Variants in ARHGAP44 observed in about 807,000 individuals in gnomAD.
ARHGAP44 encodes Rho GTPase activating protein 44.
A neutral mutation model predicts 106.8 loss-of-function variants in ARHGAP44; 43 were observed. The ratio of observed to expected loss-of-function variants is 0.40; its 90% CI spans 0.32 to 0.52. ARHGAP44 has a LOEUF of 0.52. Ranked by LOEUF, ARHGAP44 falls within the 20% of genes least tolerant of loss-of-function variation. The pLI is 0.48. For synonymous variants in ARHGAP44, 439 were observed against 410.3 expected, an observed-to-expected ratio of 1.07 and a Z score of -0.85; for missense variants, 866 against 1,050.5, an observed-to-expected ratio of 0.82 and a Z score of 2.43.
chr17:12,917,618 C>G (rs1024019733), intron 5 of ARHGAP44, among the ~76,000 whole-genome samples: 1 of 152,116 alleles, frequency 6.6e-6, no homozygotes, highest in Non-Finnish European at 1.5e-5. Flanking sequence ...GAAACACCCT[C>G]TCAGCTACAC....
Position 12,816,622 on chromosome 17 carries a change from T to C in ARHGAP44, c.53+26731T>C, listed in dbSNP as rs546254584. On this transcript the variant is annotated intron_variant, in intron 1 of 20. Transcript: ENST00000379672. ...GAAAGGTGGGGTGTATTTATTAATA[T>C]ATCAGATACAGTGGACTTCAAGGAA... Among the ~76,000 whole-genome samples, 4 of 152,324 alleles carry C rather than the reference T, an allele frequency of 2.6e-5. No homozygotes were observed. In the Middle Eastern group the frequency reaches 0.01, roughly 389 times the overall value.
At chr17:12,937,358 T>A (rs1357870522) in intron 7 of ARHGAP44, among the ~76,000 whole-genome samples, 4 of 152,212 alleles carry the variant, frequency 2.6e-5, no homozygotes, top group Non-Finnish European at 5.9e-5. Flanking sequence ...CTCTGAAATT[T>A]CCTGTGAGAA....
At position 12,990,043 on chromosome 17, in the gene ARHGAP44, T is replaced by G. The variant is rs2040083939; in HGVS notation, c.2329T>G (p.Phe777Val). 1 of 1,603,532 alleles carries G rather than the reference T, an allele frequency of 6.2e-7. No homozygotes were observed. The highest frequency in any genetic ancestry group is 1.3e-5 in the African/African-American group (1 of 74,738). ...GESMSTDLVH[F>V]DIPSIHIELG... is the part of the protein sequence containing the mutation. ...CTGCCGCCTTCCAGATCTTGTCCACTTTGATATTCCCTCGATCCACATAGA... is the reference window on the plus strand; with the variant it reads ...CTGCCGCCTTCCAGATCTTGTCCACGTTGATATTCCCTCGATCCACATAGA... Residue 777 changes from phenylalanine to valine, a missense_variant, in exon 21 of 21, where the codon TTT (phenylalanine) becomes GTT (valine). Around this residue, in one of 2 missense-constraint regions of ARHGAP44, gnomAD observed 418 missense variants for 403.6 expected, o/e 1.04. Transcript: ENST00000379672.
Position 12,984,811 on chromosome 17 carries a change from T to G in ARHGAP44, c.2220T>G (p.Pro740=), listed in dbSNP as rs776987295. 3.7e-6 allele frequency: 6 copies of G among 1,613,934 alleles called. No homozygotes were observed. Among genetic ancestry groups the G allele is most frequent in the South Asian group, 3.3e-5 (3 of 91,072 alleles). ...CGCGACAGAGACCTACTCTGCCGCC[T>G]CCTCAGCCTCCCACAGTAAACCTCT... ...PKPRQRPTLP[P]PQPPTVNLSA... The change falls in exon 20 of 21, where the codon CCT becomes CCG. Residue 740 remains proline, a synonymous_variant. Transcript: ENST00000379672.
At position 12,974,091 on chromosome 17, in the gene ARHGAP44, TG is replaced by T; in HGVS notation, c.1547del (p.Gly516ValfsTer2). The T allele has an allele frequency of 6.4e-7, 1 of 1,564,382 alleles. No homozygotes were observed. On this transcript the variant is annotated frameshift_variant, in exon 18 of 21. Transcript: ENST00000379672. LOFTEE classifies it high-confidence loss of function. ...KKDGLRKIQS[M>X]GVRVMDTNWV... The stretch of plus-strand genomic sequence containing the variant: ...GGTGTCTTTGTGTCCCTCGCCAGCA[TG>T]GGTGTGAGGGTCATGGACACAAACT...
rs939353438 is a variant in ARHGAP44 at position 12,943,780 on chromosome 17, A to T, written c.733+111A>T. On this transcript the variant is annotated intron_variant, in intron 9 of 20. Transcript: ENST00000379672. ...CCCTAACACTCTGCCCAACAGCATC[A>T]CCTGTAGATGAGCCTTTTGGACTTA... The T allele has an allele frequency of 6.0e-5, 71 of 1,179,510 alleles. No homozygotes were observed. The African/African-American group carries it at 6.8e-4, about 11-fold the overall frequency. 73.1% of individuals were successfully genotyped at this position (1,179,510 alleles called of 1,614,324 possible).
intron 1 of ARHGAP44, among the ~76,000 whole-genome samples, chr17:12,856,064 C>T (rs1320820760): frequency 4.6e-5 from 7 of 152,274 alleles, no homozygotes; most frequent in East Asian, 1.9e-4. Flanking sequence ...CCGGTATCCC[C>T]GCAATGGGAG....
chr17:12,820,728 C>T (rs921233637), intron 1 of ARHGAP44, among the ~76,000 whole-genome samples: 1 of 152,148 alleles, frequency 6.6e-6, no homozygotes, highest in African/African-American at 2.4e-5. Flanking sequence ...GGCTACCAAA[C>T]AGGCAGATTT....
At chr17:12,911,476 C>T (rs1014104473) in intron 4 of ARHGAP44, among the ~76,000 whole-genome samples, 2 of 152,184 alleles carry the variant, frequency 1.3e-5, no homozygotes, top group African/African-American at 4.8e-5. Flanking sequence ...AGTAGATATG[C>T]AAAGATCCCA....
At chr17:12,791,608 C>T (rs2033760539) in intron 1 of ARHGAP44, among the ~76,000 whole-genome samples, 1 of 152,084 alleles carries the variant, frequency 6.6e-6, no homozygotes, top group Non-Finnish European at 1.5e-5. Flanking sequence ...TTTTCAGGAC[C>T]TGTTTTTAAA....
intron 1 of ARHGAP44, among the ~76,000 whole-genome samples, chr17:12,795,645 A>T (rs535396904): frequency 3.9e-5 from 6 of 152,216 alleles, no homozygotes; most frequent in African/African-American, 1.4e-4. Context: ...GGGATTAGTA[A>T]GTATCCCTTT....
rs758419215 is a variant in ARHGAP44 at position 12,896,407 on chromosome 17, G to C, written c.94G>C (p.Val32Leu). ...GCACCACCCGCTCTTCTCTCTGCAG[G>C]TGGAGAAGCGTCTGGAGCTGGTGAA... ...TEVLSEDLLQVEKRLELVKQV... is the reference protein window; with the variant it reads ...TEVLSEDLLQLEKRLELVKQV... Residue 32 changes from valine to leucine, a missense_variant and splice_region_variant, in exon 3 of 21, where the codon GTG becomes CTG. Val to Leu is a conservative substitution (Grantham distance 32). This residue lies in a region of ARHGAP44 where 448 missense variants were observed against 646.9 expected (regional missense o/e 0.69). Coordinates refer to ENST00000379672, the MANE Select transcript of ARHGAP44 (RefSeq NM_014859.6). 1 of 1,594,748 alleles carries C rather than the reference G, an allele frequency of 6.3e-7. No individual in the cohort carries two copies. The highest frequency in any genetic ancestry group is 8.5e-7 in the Non-Finnish European group (1 of 1,171,114).
chr17:12,846,696 G>A (rs987200828), intron 1 of ARHGAP44, among the ~76,000 whole-genome samples: 1 of 152,154 alleles, frequency 6.6e-6, no homozygotes. Context: ...CAAATGCCAG[G>A]ACATCTCTCA....
At chr17:12,869,611 A>C (rs1347628521) in intron 1 of ARHGAP44, among the ~76,000 whole-genome samples, 1 of 152,146 alleles carries the variant, frequency 6.6e-6, no homozygotes, top group East Asian at 1.9e-4. Flanking sequence ...TGTGTCCATG[A>C]AACAGTAACT....
chr17:12,852,487 G>T (rs2035781160), intron 1 of ARHGAP44, among the ~76,000 whole-genome samples: 1 of 147,500 alleles, frequency 6.8e-6, no homozygotes, highest in African/African-American at 2.5e-5. Context: ...TATATCTTTT[G>T]TATTTATATG....
intron 3 of ARHGAP44, among the ~76,000 whole-genome samples, chr17:12,897,547 A>G (rs939389714): frequency 6.6e-6 from 1 of 151,928 alleles, no homozygotes; most frequent in Non-Finnish European, 1.5e-5. Flanking sequence ...CTATAGAAAT[A>G]ATTCTGCATG....
At chr17:12,856,928 GA>G (rs1305765431) in intron 1 of ARHGAP44, among the ~76,000 whole-genome samples, 1 of 152,044 alleles carries the variant, frequency 6.6e-6, no homozygotes, top group African/African-American at 2.4e-5. Flanking sequence ...CACATTTTGA[GA>G]TTTACTTTCT....
intron 18 of ARHGAP44, among the ~76,000 whole-genome samples, chr17:12,977,262 T>C (rs9909025): frequency 0.15 from 22,844 of 152,150 alleles, 2,018 homozygotes; most frequent in African/African-American, 0.22. Flanking sequence ...CCGCATGGGT[T>C]TCTCCCAGTA....
At chr17:12,976,411 G>A (rs1367174936) in intron 18 of ARHGAP44, among the ~76,000 whole-genome samples, 3 of 151,934 alleles carry the variant, frequency 2.0e-5, no homozygotes, top group African/African-American at 4.8e-5. Context: ...TCAGGAGCTC[G>A]TGACCAGCCT....
Sources: gnomAD v4.1 joint callset for allele counts (sites outside exome capture counted in the v4.1 genomes callset) on GRCh38, gnomAD v4.1.1 for gene constraint, gnomAD v4.1.1 regional missense constraint, MANE v1.5 for transcripts, NCBI Gene and HGNC (gene_info 2026-07-23, HGNC 2026-07-21) for gene names.